IMMP2L: variants seen among roughly 807,000 people sequenced by gnomAD.
IMMP2L encodes the protein mitochondrial inner membrane protease subunit 2.
In IMMP2L, 18 loss-of-function variants were observed where a neutral mutation model predicts 19.3. The ratio of observed to expected loss-of-function variants is 0.93; its 90% CI spans 0.64 to 1.38. The LOEUF (loss-of-function observed/expected upper bound fraction) is 1.38. Ranked by LOEUF, IMMP2L falls within the 40% of genes most tolerant of loss-of-function variation. The pLI, the probability that IMMP2L is intolerant of heterozygous loss-of-function variation, is 0.00. For missense variants in IMMP2L, 233 were observed against 218.2 expected (o/e 1.07, Z -0.43); for synonymous variants, 76 against 73.0 (o/e 1.04, Z -0.21).
At chr7:111,548,640 T>G (rs145977292) in intron 1 of IMMP2L, among the ~76,000 whole-genome samples, 5 of 152,110 alleles carry the variant, frequency 3.3e-5, no homozygotes, top group Non-Finnish European at 1.5e-5. Flanking sequence ...CAGAAGTGTA[T>G]AGTTTTTTTT....
At chr7:111,223,091 C>A (rs567000565) in intron 3 of IMMP2L, among the ~76,000 whole-genome samples, 29 of 151,930 alleles carry the variant, frequency 1.9e-4, no homozygotes, top group African/African-American at 6.8e-4. Flanking sequence ...AAATTTTATA[C>A]ACTATTAAAA....
chr7:111,238,603 A>C (rs1814622200), intron 3 of IMMP2L, among the ~76,000 whole-genome samples: 1 of 151,962 alleles, frequency 6.6e-6, no homozygotes, highest in African/African-American at 2.4e-5. Context: ...CCAATCACAA[A>C]TAATGAAAAA....
intron 3 of IMMP2L, among the ~76,000 whole-genome samples, chr7:111,288,352 A>G (rs1294056680): frequency 6.6e-6 from 1 of 152,206 alleles, no homozygotes; most frequent in Non-Finnish European, 1.5e-5. Context: ...AAATCTAGGC[A>G]ATGCCATTCA....
intron 3 of IMMP2L, among the ~76,000 whole-genome samples, chr7:111,270,676 C>T (rs1818360638): frequency 6.6e-6 from 1 of 152,058 alleles, no homozygotes; most frequent in Non-Finnish European, 1.5e-5. Flanking sequence ...AGAGTTTAAT[C>T]AAAGTAATTT....
chr7:110,851,543 G>A (rs1354900167), intron 5 of IMMP2L, among the ~76,000 whole-genome samples: 1 of 152,088 alleles, frequency 6.6e-6, no homozygotes, highest in East Asian at 1.9e-4. Flanking sequence ...ATACTGAGCA[G>A]TGGTCAGCTC....
At chr7:111,303,704 C>T (rs1216927745) in intron 3 of IMMP2L, among the ~76,000 whole-genome samples, 5 of 151,912 alleles carry the variant, frequency 3.3e-5, no homozygotes, top group African/African-American at 7.3e-5. Flanking sequence ...ATTAAGCTTC[C>T]CAAAGATATG....
intron 3 of IMMP2L, among the ~76,000 whole-genome samples, chr7:111,441,114 T>C (rs79870592): frequency 0.01 from 1,588 of 151,956 alleles, 76 homozygotes; most frequent in African/African-American, 0.035. Flanking sequence ...TAAAACTTTC[T>C]CCATAACAGC....
At chr7:110,834,552 G>A (rs1013449641) in intron 5 of IMMP2L, among the ~76,000 whole-genome samples, 2 of 152,128 alleles carry the variant, frequency 1.3e-5, no homozygotes, top group Non-Finnish European at 2.9e-5. Flanking sequence ...GTCCTTCCAA[G>A]TATATAAGTA....
intron 3 of IMMP2L, among the ~76,000 whole-genome samples, chr7:111,435,715 C>T (rs935339275): frequency 5.3e-5 from 8 of 151,702 alleles, no homozygotes; most frequent in Non-Finnish European, 1.0e-4. Context: ...ATTTTAATAT[C>T]CCAAAATACA....
At chr7:111,041,820 G>A (rs1201505631) in intron 3 of IMMP2L, among the ~76,000 whole-genome samples, 2 of 152,144 alleles carry the variant, frequency 1.3e-5, no homozygotes, top group African/African-American at 2.4e-5. Flanking sequence ...AGTACATAGG[G>A]ATATGAGGCA....
chr7:110,829,831 A>T (rs980271696), intron 5 of IMMP2L, among the ~76,000 whole-genome samples: 1 of 152,200 alleles, frequency 6.6e-6, no homozygotes, highest in African/African-American at 2.4e-5. Flanking sequence ...AGAGGGCAGA[A>T]GAAATGTGTT....
intron 3 of IMMP2L, among the ~76,000 whole-genome samples, chr7:111,155,473 T>C (rs77830214): frequency 0.01 from 1,554 of 152,192 alleles, 16 homozygotes; most frequent in Non-Finnish European, 0.018. Context: ...AATTGGAACA[T>C]TAGAATAGGT....
At chr7:111,383,765 C>T (rs1401876336) in intron 3 of IMMP2L, among the ~76,000 whole-genome samples, 1 of 151,978 alleles carries the variant, frequency 6.6e-6, no homozygotes, top group East Asian at 1.9e-4. Flanking sequence ...AGTTTTTCTG[C>T]CTCTTTCTTT....
In IMMP2L at chr7:111,310,593, T is replaced by C. The variant is rs578035686; in HGVS notation, c.239+176645A>G. The stretch of plus-strand genomic sequence containing the variant: ...AGAAATGTTCTTTGGTTTAAAATTT[T>C]CCACTAATAATGGAAAAAGTATGAA... On this transcript the variant is annotated intron_variant, in intron 3 of 5. Coordinates refer to ENST00000405709, the MANE Select transcript of IMMP2L (RefSeq NM_032549.4). Among the ~76,000 whole-genome samples, 8 of 152,268 alleles carry C rather than the reference T, an allele frequency of 5.3e-5. No homozygotes were observed. The East Asian group carries it at 1.5e-3, about 29-fold the overall frequency.
intron 3 of IMMP2L, among the ~76,000 whole-genome samples, chr7:111,257,658 G>A (rs1049373088): frequency 1.4e-4 from 22 of 151,944 alleles, no homozygotes; most frequent in East Asian, 1.9e-4. Context: ...CTACTGATTC[G>A]TTTCTCTATA....
chr7:111,185,371 G>A (rs1266242687), intron 3 of IMMP2L, among the ~76,000 whole-genome samples: 2 of 152,074 alleles, frequency 1.3e-5, no homozygotes, highest in African/African-American at 4.8e-5. Context: ...GTAACTCATA[G>A]GCCTTTTCCT....
At chr7:110,963,823 T>C (rs1206001469) in intron 3 of IMMP2L, among the ~76,000 whole-genome samples, 1 of 151,998 alleles carries the variant, frequency 6.6e-6, no homozygotes, top group Non-Finnish European at 1.5e-5. Flanking sequence ...GAATAAAACA[T>C]TTTCTTATTA....
At chr7:111,357,865 A>C (rs1828871955) in intron 3 of IMMP2L, among the ~76,000 whole-genome samples, 1 of 151,946 alleles carries the variant, frequency 6.6e-6, no homozygotes, top group South Asian at 2.1e-4. Context: ...ATGAGCATGG[A>C]AACTGAAAGT....
chr7:111,168,733 T>C (rs887914335), intron 3 of IMMP2L, among the ~76,000 whole-genome samples: 1 of 151,924 alleles, frequency 6.6e-6, no homozygotes, highest in Non-Finnish European at 1.5e-5. Context: ...CCCTACATTC[T>C]TTCTGTAGGA....
Sources: allele counts gnomAD v4.1 joint callset (sites outside exome capture counted in the v4.1 genomes callset), GRCh38; gene constraint gnomAD v4.1.1; transcripts MANE v1.5; gene names NCBI Gene and HGNC (gene_info 2026-07-23, HGNC 2026-07-21).